SLC2A13: variants seen among roughly 807,000 people sequenced by gnomAD.
SLC2A13 encodes solute carrier family 2 member 13, also known as proton myo-inositol cotransporter.
SLC2A13 carries 32 observed loss-of-function variants against 64.4 expected under a neutral mutation model. The observed-to-expected ratio is 0.50, with a 90% CI of 0.37 to 0.67. The LOEUF is 0.67. SLC2A13 is among the 30% of genes least tolerant of loss of function. The pLI is 0.00. For missense variants in SLC2A13, 743 were observed against 829.2 expected, an observed-to-expected ratio of 0.90 and a Z score of 1.28; for synonymous variants, 338 against 327.1, an observed-to-expected ratio of 1.03 and a Z score of -0.36.
chr12:40,017,077 G>C (rs1310971100), intron 3 of SLC2A13, among the ~76,000 whole-genome samples: 1 of 152,008 alleles, frequency 6.6e-6, no homozygotes, highest in East Asian at 1.9e-4. Context: ...TAGGACAGAG[G>C]GAAGGAGTCT....
rs187556153 is a variant in SLC2A13, at chr12:39,922,632, C to A, written c.1034+28625G>T. 3.3e-5 allele frequency among the ~76,000 whole-genome samples: 5 copies of A among 152,302 alleles called. No homozygotes were observed. In the East Asian group the frequency reaches 9.6e-4, roughly 29 times the overall value. ...GATATTCCTAGACTTTTTACTTATA[C>A]AATACAATGACTTTTTGTGTGTGTA... On this transcript the variant is annotated intron_variant, in intron 4 of 9. Coordinates refer to ENST00000280871, the MANE Select transcript of SLC2A13 (RefSeq NM_052885.4).
In SLC2A13 at chr12:40,105,590, C is replaced by T. The variant is rs534891078; in HGVS notation, c.219G>A (p.Gln73=). The change falls in exon 1 of 10, where the codon CAG becomes CAA. Residue 73 remains glutamine (Q), a synonymous_variant. Coordinates refer to ENST00000280871, the MANE Select transcript of SLC2A13 (RefSeq NM_052885.4). This position sits in a 1 kb window ranked among gnomAD's most constrained non-coding sequence, Gnocchi z 4.2. ...ACACGAAGGCGGGGGTCTCGTCCTG[C>T]TGGAACTGCCGCCGCGCCGCGCGCT... ...DLERAARRQF[Q]QDETPAFVYV... 9 of 1,539,842 alleles carry T rather than the reference C, an allele frequency of 5.8e-6. No homozygotes were observed. The East Asian group carries it at 2.3e-4, about 40-fold the overall frequency.
At position 39,865,078 on chromosome 12, in the gene SLC2A13, C is replaced by T. The variant is rs190237471; in HGVS notation, c.1199-196G>A. The stretch of plus-strand genomic sequence containing the variant: ...AAATTATCAGAACTATTCACTAGCA[C>T]GTTCATTGTGAGACATGATGAGAGT... On this transcript the variant is annotated intron_variant, in intron 5 of 9. Transcript: ENST00000280871. 2.4e-4 allele frequency among the ~76,000 whole-genome samples: 37 copies of T among 152,266 alleles called. 1 individual carries two copies. Among genetic ancestry groups the T allele is most frequent in the Non-Finnish European group, 8.8e-5 (6 of 68,014 alleles).
At chr12:40,066,942 A>AAACT (rs1937749845) in intron 1 of SLC2A13, among the ~76,000 whole-genome samples, 1 of 152,216 alleles carries the variant, frequency 6.6e-6, no homozygotes, top group South Asian at 2.1e-4. Flanking sequence ...ATTCTTAGGG[A>AAACT]AACTAATTTA....
At chr12:39,932,013 G>A (rs575179037) in intron 4 of SLC2A13, among the ~76,000 whole-genome samples, 57 of 152,142 alleles carry the variant, frequency 3.7e-4, no homozygotes, top group Non-Finnish European at 6.2e-4. Flanking sequence ...ACTGAAAACA[G>A]ACCTTGCACA....
intron 3 of SLC2A13, among the ~76,000 whole-genome samples, chr12:40,021,013 A>G (rs956700271): frequency 6.6e-6 from 1 of 152,054 alleles, no homozygotes; most frequent in Non-Finnish European, 1.5e-5. Flanking sequence ...GAGATCTTTG[A>G]CAAAGTCACA....
chr12:40,048,120 A>G lies in SLC2A13; in HGVS notation c.647T>C (p.Ile216Thr). The G allele has an allele frequency of 6.2e-7, 1 of 1,613,638 alleles. No individual in the cohort carries two copies. The highest frequency in any genetic ancestry group is 8.5e-7 in the Non-Finnish European group (1 of 1,179,726). The change falls in exon 2 of 10, where the codon ATC becomes ACC. Residue 216 changes from isoleucine to threonine, a missense_variant. Ile to Thr is a moderately conservative substitution (Grantham distance 89, BLOSUM62 -1). Coordinates refer to ENST00000280871, the MANE Select transcript of SLC2A13 (RefSeq NM_052885.4). ...ACTTGCAAAGAACTGCCCTCCTGTG[A>G]TGAAGAGGGTATTAATGGTGACTAA... ...GRLVTINTLF[I>T]TGGQFFASVV...
chr12:39,932,486 A>C (rs1945843386), intron 4 of SLC2A13, among the ~76,000 whole-genome samples: 1 of 152,246 alleles, frequency 6.6e-6, no homozygotes, highest in Admixed American at 6.5e-5. Flanking sequence ...TGCGTTTCTC[A>C]TGCAACCAGT....
At chr12:39,871,521 CT>C (rs1944055881) in intron 5 of SLC2A13, among the ~76,000 whole-genome samples, 1 of 151,796 alleles carries the variant, frequency 6.6e-6, no homozygotes, top group African/African-American at 2.4e-5. Context: ...ACTTTTGTAC[CT>C]TTGAGTGGAA....
chr12:39,830,375 TGC>T, intron 6 of SLC2A13, 147 bp from the exon 7 acceptor site: 1 of 1,415,346 alleles, frequency 7.1e-7, no homozygotes, highest in Non-Finnish European at 9.2e-7. Flanking sequence ...GAAAGTGACA[TGC>T]GCTGAGCCAG....
At chr12:39,763,731 AT>A (rs1251486273) in intron 9 of SLC2A13, among the ~76,000 whole-genome samples, 1 of 152,118 alleles carries the variant, frequency 6.6e-6, no homozygotes, top group Non-Finnish European at 1.5e-5. Context: ...CTCATACTTC[AT>A]CATGAATAAT....
At chr12:39,830,402 G>C in intron 6 of SLC2A13, 174 bp from the exon 7 acceptor site, 1 of 1,342,282 alleles carries the variant, frequency 7.4e-7, no homozygotes, top group Non-Finnish European at 9.6e-7. Context: ...GAGCTGGCTG[G>C]TCTCTTCGAT....
chr12:40,009,411 C>A (rs1947483027), intron 3 of SLC2A13, among the ~76,000 whole-genome samples: 1 of 151,932 alleles, frequency 6.6e-6, no homozygotes, highest in Admixed American at 6.6e-5. Flanking sequence ...GGAAATAGAA[C>A]ATTAAGGTTT....
intron 3 of SLC2A13, among the ~76,000 whole-genome samples, chr12:39,985,859 A>G (rs1947022049): frequency 6.6e-6 from 1 of 152,134 alleles, no homozygotes; most frequent in African/African-American, 2.4e-5. Context: ...CATGATACGA[A>G]AAATGGAGTA....
chr12:39,808,852 G>A (rs1035265649), intron 7 of SLC2A13, among the ~76,000 whole-genome samples: 16 of 151,772 alleles, frequency 1.1e-4, no homozygotes, highest in African/African-American at 3.6e-4. Flanking sequence ...TAATACTTCC[G>A]GTCTGTGGCT....
At chr12:39,874,728 T>C (rs1214642096) in intron 4 of SLC2A13, among the ~76,000 whole-genome samples, 1 of 152,148 alleles carries the variant, frequency 6.6e-6, no homozygotes, top group Admixed American at 6.6e-5. Context: ...TTGGACTTTG[T>C]ATTGTAGGCA....
At chr12:39,922,864 G>A (rs933802395) in intron 4 of SLC2A13, among the ~76,000 whole-genome samples, 3 of 152,094 alleles carry the variant, frequency 2.0e-5, no homozygotes, top group Admixed American at 2.0e-4. Context: ...CAAGCCTATT[G>A]CATTTTACAT....
intron 1 of SLC2A13, among the ~76,000 whole-genome samples, chr12:40,059,052 G>T (rs1240592935): frequency 1.3e-5 from 2 of 152,130 alleles, no homozygotes; most frequent in Non-Finnish European, 2.9e-5. Flanking sequence ...ATGAATGCTG[G>T]CATTATCACT....
intron 1 of SLC2A13, among the ~76,000 whole-genome samples, chr12:40,067,914 T>C (rs1218672951): frequency 1.3e-5 from 2 of 152,184 alleles, no homozygotes; most frequent in Non-Finnish European, 2.9e-5. Context: ...ATTCTTTTTT[T>C]CTTGTTGAAG....
Sources: allele counts gnomAD v4.1 joint callset (sites outside exome capture counted in the v4.1 genomes callset), GRCh38; gene constraint gnomAD v4.1.1; non-coding constraint Gnocchi (gnomAD v3.1); transcripts MANE v1.5; gene names NCBI Gene and HGNC (gene_info 2026-07-23, HGNC 2026-07-21).